DGKQ: variants seen among roughly 807,000 people sequenced by gnomAD.
The protein encoded by DGKQ is diacylglycerol kinase theta.
In DGKQ, 97 loss-of-function variants were observed where a neutral mutation model predicts 104.2. The observed-to-expected ratio is 0.93, with a 90% CI of 0.79 to 1.10. The LOEUF (loss-of-function observed/expected upper bound fraction) is 1.10, where lower values mean the gene tolerates loss of function less well. DGKQ is among the 50% of genes least tolerant of loss of function. The pLI, the probability that DGKQ is intolerant of heterozygous loss-of-function variation, is 0.00. For synonymous variants in DGKQ, 736 were observed against 595.2 expected (o/e 1.24, Z -3.44); for missense variants, 1,465 against 1,352.1 (o/e 1.08, Z -1.31).
chr4:962,989 T>C, intron 16 of DGKQ, 69 bp from the exon 17 acceptor site: 1 of 1,544,008 alleles, frequency 6.5e-7, no homozygotes, highest in Non-Finnish European at 8.7e-7. Context: ...GGCTGCCTCT[T>C]CCAAGTGCCC....
intron 15 of DGKQ, 119 bp downstream of exon 15, chr4:965,057 G>C (rs764673522): frequency 4.0e-6 from 3 of 743,820 alleles, no homozygotes; most frequent in Non-Finnish European, 6.8e-6. Flanking sequence ...GTGAATTCAA[G>C]GAAGTGATGC....
chr4:969,264 C>T (rs1260392972), intron 2 of DGKQ, among the ~76,000 whole-genome samples: 2 of 152,156 alleles, frequency 1.3e-5, no homozygotes, highest in East Asian at 1.9e-4. Context: ...CGCAGGGGAG[C>T]GAGGCCCGCC....
In DGKQ at chr4:960,587, A is replaced by G. The variant is rs764583357; in HGVS notation, c.*33T>C. The G allele has an allele frequency of 1.3e-6, 2 of 1,585,204 alleles. No individual in the cohort carries two copies. The highest frequency in any genetic ancestry group is 2.2e-5 in the South Asian group (2 of 90,464). Reference sequence around the variant, plus strand: ...GAAAACAAGGCTGGCGGGAGCAGAGATGGCTCGAGCCCTTGGGCTGCCCCA... The same window carrying G: ...GAAAACAAGGCTGGCGGGAGCAGAGGTGGCTCGAGCCCTTGGGCTGCCCCA... On this transcript the variant is annotated 3_prime_UTR_variant, in exon 23 of 23. Transcript: ENST00000273814.
At chr4:970,877 C>G in intron 2 of DGKQ, 116 bp downstream of exon 2, 2 of 725,182 alleles carry the variant, frequency 2.8e-6, no homozygotes, top group Non-Finnish European at 2.3e-6. Context: ...CTGCCCTTTG[C>G]CTTTCAACTG....
At chr4:970,960 T>A in intron 2 of DGKQ, 33 bp downstream of exon 2, 1 of 1,519,374 alleles carries the variant, frequency 6.6e-7, no homozygotes. Flanking sequence ...TCCCCCAGCC[T>A]CTTGCAGGTG....
In DGKQ at chr4:973,229, G is replaced by C; in HGVS notation, c.254C>G (p.Ala85Gly). 1 of 1,561,532 alleles carries C rather than the reference G, an allele frequency of 6.4e-7. No individual in the cohort carries two copies. Among genetic ancestry groups the C allele is most frequent in the Non-Finnish European group, 8.6e-7 (1 of 1,156,792 alleles). Residue 85 changes from alanine to glycine, a missense_variant, in exon 1 of 23, where the codon GCC becomes GGC. Coordinates refer to ENST00000273814, the MANE Select transcript of DGKQ (RefSeq NM_001347.4). Reference sequence around the variant, plus strand: ...GCGCTCACCGTCGCACAGGAAGCCGGCCAGCCCCCAGATGAAGTCGGAGCA... The same window carrying C: ...GCGCTCACCGTCGCACAGGAAGCCGCCCAGCCCCCAGATGAAGTCGGAGCA... Reference protein sequence around the residue: ...HLCSDFIWGLAGFLCDVCNFM... With the variant: ...HLCSDFIWGLGGFLCDVCNFM...
At position 967,913 on chromosome 4, in the gene DGKQ, G is replaced by A; in HGVS notation, c.778C>T (p.Gln260Ter). 6.8e-7 allele frequency: 1 copy of A among 1,460,488 alleles called. No individual in the cohort carries two copies. Among genetic ancestry groups the A allele is most frequent in the Non-Finnish European group, 9.0e-7 (1 of 1,114,828 alleles). 90.5% of individuals were successfully genotyped at this position (1,460,488 alleles called of 1,614,324 possible). A position where few individuals can be genotyped will look rare whatever the true frequency, so the allele number is the denominator to read the frequency against. The stretch of plus-strand genomic sequence containing the variant: ...GCGGCCTCCACGATGCGGAAGCTCT[G>A]CGTCTTGCTGAAGCCGCCGGGCAGA... ...RLLPGGFSKT[Q>*]SFRIVEAAEP... Residue 260 changes from glutamine to a stop codon, truncating the protein, a stop_gained, in exon 6 of 23, where the codon CAG (glutamine) becomes TAG (stop). Coordinates refer to ENST00000273814, the MANE Select transcript of DGKQ (RefSeq NM_001347.4). LOFTEE classifies it high-confidence loss of function.
At chr4:962,723 G>T in intron 17 of DGKQ, 49 bp downstream of exon 17, 1 of 1,595,578 alleles carries the variant, frequency 6.3e-7, no homozygotes, top group South Asian at 1.1e-5. Flanking sequence ...AGCTGCACAG[G>T]AAGGGGTAGA....
chr4:971,342 T>A lies in DGKQ; in HGVS notation c.272-270A>T, dbSNP rs1446228165. 6.6e-6 allele frequency among the ~76,000 whole-genome samples: 1 copy of A among 152,086 alleles called. No individual in the cohort carries two copies. Among genetic ancestry groups the A allele is most frequent in the African/African-American group, 2.4e-5 (1 of 41,464 alleles). ...GAGAGCAGTCCCTCCCCTTCGCACG[T>A]AGGCCCAGCACTCCTCCTGCCTCTG... On this transcript the variant is annotated intron_variant, in intron 1 of 22. Transcript: ENST00000273814. This position sits in a 1 kb window ranked among gnomAD's most constrained non-coding sequence, Gnocchi z 4.0.
rs778074211 is a variant in DGKQ, at chr4:965,973, G to T, written c.1534C>A (p.Pro512Thr). The change falls in exon 13 of 23, where the codon CCC becomes ACC. Residue 512 changes from proline to threonine, a missense_variant. Physicochemically the swap from Pro to Thr is conservative, Grantham distance 38 (BLOSUM62 -1). Transcript: ENST00000273814. ...FVGGLPPGLS[P>T]EEYSSLLHEA... ...TGCAGCAGGCTGCTGTACTCCTCGG[G>T]AGACAGGCCGGGAGGCAGGCCGCCA... 3.7e-6 allele frequency: 6 copies of T among 1,605,616 alleles called. No homozygotes were observed. The highest frequency in any genetic ancestry group is 5.1e-6 in the Non-Finnish European group (6 of 1,176,968).
chr4:966,924 C>G (rs749571629), intron 10 of DGKQ, 40 bp downstream of exon 10: 1 of 1,548,234 alleles, frequency 6.5e-7, no homozygotes, highest in Non-Finnish European at 8.7e-7. Context: ...GACCCCCCAC[C>G]GAGTCTGGCC....
Position 961,072 on chromosome 4 carries a change from T to C in DGKQ, c.2704A>G (p.Ile902Val). ...ACCTTAGGGCCAGCAGCTGAGATGA[T>C]CATGTGCCCCGGGGCCTGGACCCAG... is the stretch of plus-strand genomic sequence containing the variant. Reference protein sequence around the residue: ...EPWVQAPGHMIISAAGPKVHM... With the variant: ...EPWVQAPGHMVISAAGPKVHM... Residue 902 changes from isoleucine to valine, a missense_variant, in exon 22 of 23, where the codon ATC becomes GTC. By Grantham distance (29) the Ile-to-Val change is conservative (BLOSUM62 3). Transcript: ENST00000273814. 6.2e-7 allele frequency: 1 copy of C among 1,612,178 alleles called. No individual in the cohort carries two copies. Among genetic ancestry groups the C allele is most frequent in the Non-Finnish European group, 8.5e-7 (1 of 1,179,588 alleles).
chr4:968,586 A>C, intron 3 of DGKQ, 22 bp from the exon 4 acceptor site: 1 of 1,583,048 alleles, frequency 6.3e-7, no homozygotes, highest in Non-Finnish European at 8.6e-7. Flanking sequence ...GCAGGGTTAG[A>C]GGTGTCTGCC....
rs987350759 is a variant in DGKQ, at chr4:962,042, G to A, written c.2255C>T (p.Ala752Val). The A allele has an allele frequency of 3.1e-6, 5 of 1,612,934 alleles. No individual in the cohort carries two copies. Among genetic ancestry groups the A allele is most frequent in the Admixed American group, 1.7e-5 (1 of 60,008 alleles). The change falls in exon 19 of 23, where the codon GCG becomes GTG. Residue 752 changes from alanine (A) to valine (V), a missense_variant. Coordinates refer to ENST00000273814, the MANE Select transcript of DGKQ (RefSeq NM_001347.4). ...CTGGTGGAAGTCCAGGCTCAGCTCC[G>A]CGTCGATGCCAATGCCACAGTAGTT... Reference protein sequence around the residue: ...MSNYCGIGIDAELSLDFHQAR... With the variant: ...MSNYCGIGIDVELSLDFHQAR...
At position 966,351 on chromosome 4, in the gene DGKQ, A is replaced by T. The variant is rs1712335609; in HGVS notation, c.1428+115T>A. The T allele has an allele frequency of 2.5e-6, 3 of 1,204,656 alleles. No homozygotes were observed. The Admixed American group carries it at 5.8e-5, about 23-fold the overall frequency. 74.6% of individuals were successfully genotyped at this position (1,204,656 alleles called of 1,614,324 possible). A position where few individuals can be genotyped will look rare whatever the true frequency, so the allele number is the denominator to read the frequency against. On this transcript the variant is annotated intron_variant, in intron 12 of 22. Coordinates refer to ENST00000273814, the MANE Select transcript of DGKQ (RefSeq NM_001347.4). ...CGAGGGCGCTGCCCTGTCAGCCAGG[A>T]CAGCCGCTGCCTAGCCAAGGAGAAC...
rs147173078 is a variant in DGKQ at position 960,562 on chromosome 4, G to A, written c.*58C>T. On this transcript the variant is annotated 3_prime_UTR_variant, in exon 23 of 23. Coordinates refer to ENST00000273814, the MANE Select transcript of DGKQ (RefSeq NM_001347.4). ...ACGTGGAGCTGCCTCCAGACCACCT[G>A]AAAACAAGGCTGGCGGGAGCAGAGA... The A allele has an allele frequency of 3.8e-4, 586 of 1,531,142 alleles. No individual in the cohort carries two copies. The highest frequency in any genetic ancestry group is 4.7e-4 in the Non-Finnish European group (525 of 1,113,536). The allele number at this position is 1,531,142 out of a possible 1,614,324, so 94.8% of individuals were successfully genotyped here. A position where few individuals can be genotyped will look rare whatever the true frequency, so the allele number is the denominator to read the frequency against.
chr4:970,743 TC>T (rs548737723), intron 2 of DGKQ, among the ~76,000 whole-genome samples: 57 of 152,288 alleles, frequency 3.7e-4, no homozygotes, highest in African/African-American at 1.3e-3. Flanking sequence ...CCCTTTAGTT[TC>T]GTCATTTTGA....
At chr4:962,167 G>C (rs1711936166) in intron 18 of DGKQ, 85 bp from the exon 19 acceptor site, 3 of 1,278,276 alleles carry the variant, frequency 2.3e-6, no homozygotes, top group Non-Finnish European at 2.2e-6. Flanking sequence ...GGCAGGCAGA[G>C]ACAAGAGCAA....
At position 967,727 on chromosome 4, in the gene DGKQ, C is replaced by T. The variant is rs576719566; in HGVS notation, c.886+1G>A. 6.2e-7 allele frequency: 1 copy of T among 1,611,232 alleles called. No homozygotes were observed. The highest frequency in any genetic ancestry group is 2.2e-5 in the East Asian group (1 of 44,820). On this transcript the variant is annotated splice_donor_variant, in intron 7 of 22. Coordinates refer to ENST00000273814, the MANE Select transcript of DGKQ (RefSeq NM_001347.4). LOFTEE classifies it high-confidence loss of function. ...TTGGGGGGAATGAGGCGGGCACTTACCGGACTCCGGAGTTGCCTGTGTCTC... is the reference window on the plus strand; with the variant it reads ...TTGGGGGGAATGAGGCGGGCACTTATCGGACTCCGGAGTTGCCTGTGTCTC...
Sources: allele counts gnomAD v4.1 joint callset (sites outside exome capture counted in the v4.1 genomes callset), GRCh38; gene constraint gnomAD v4.1.1; non-coding constraint Gnocchi (gnomAD v3.1); transcripts MANE v1.5; gene names NCBI Gene and HGNC (gene_info 2026-07-23, HGNC 2026-07-21).